BRCA1: variants seen among roughly 807,000 people sequenced by gnomAD.
BRCA1 encodes breast cancer type 1 susceptibility protein.
Under a neutral mutation model 173.7 loss-of-function variants are expected in BRCA1, and 140 were observed. The ratio of observed to expected loss-of-function variants is 0.81; its 90% CI spans 0.70 to 0.93. BRCA1 has a LOEUF of 0.93. BRCA1 is among the 40% of genes least tolerant of loss of function. The pLI is 0.00. For synonymous variants in BRCA1, 662 were observed against 756.0 expected (o/e 0.88, Z 2.04); for missense variants, 1,983 against 2,172.5 (o/e 0.91, Z 1.73).
chr17:43,133,513 AGTGGGAT>A (rs2154581346), intron 1 of BRCA1, among the ~76,000 whole-genome samples: 1 of 152,272 alleles, frequency 6.6e-6, no homozygotes, highest in South Asian at 2.1e-4. Context: ...CTGACATACC[AGTGGGAT>A]GTGAACTGTC....
upstream of BRCA1, among the ~76,000 whole-genome samples, chr17:43,126,400 G>GCTGGCAGCGGA (rs1380499240): frequency 6.6e-6 from 1 of 152,208 alleles, no homozygotes; most frequent in African/African-American, 2.4e-5. Flanking sequence ...TAGCGGCAGA[G>GCTGGCAGCGGA]CTGGCAGCGG....
intron 7 of BRCA1, among the ~76,000 whole-genome samples, chr17:43,099,197 G>A (rs1200048434): frequency 6.6e-6 from 1 of 151,266 alleles, no homozygotes; most frequent in Admixed American, 6.6e-5. Flanking sequence ...AATCCATCAT[G>A]TTTTTTCTTA....
At chr17:43,049,524 GAA>G (rs1472497275) in intron 20 of BRCA1, among the ~76,000 whole-genome samples, 1 of 152,226 alleles carries the variant, frequency 6.6e-6, no homozygotes, top group South Asian at 2.1e-4. Flanking sequence ...GACACTGTGT[GAA>G]AAAACACCCA....
upstream of BRCA1, among the ~76,000 whole-genome samples, chr17:43,127,887 G>T (rs541882078): frequency 1.3e-5 from 2 of 151,910 alleles, no homozygotes; most frequent in Non-Finnish European, 2.9e-5. Context: ...AGCTGGGTGC[G>T]GTGGTGGGTG....
chr17:43,129,251 T>C (rs2055944573), upstream of BRCA1, among the ~76,000 whole-genome samples: 1 of 152,230 alleles, frequency 6.6e-6, no homozygotes, highest in Non-Finnish European at 1.5e-5. Flanking sequence ...TCAAGATTAA[T>C]GCTCTTGCTG....
At chr17:43,108,335 C>CAAA (rs34608699) in intron 3 of BRCA1, among the ~76,000 whole-genome samples, 2 of 121,240 alleles carry the variant, frequency 1.6e-5, no homozygotes, top group Non-Finnish European at 3.5e-5. Flanking sequence ...GAGATTGTGC[C>CAAA]AAAAAAAAAA....
At chr17:43,117,949 A>G (rs1045526599) in intron 2 of BRCA1, among the ~76,000 whole-genome samples, 4 of 152,334 alleles carry the variant, frequency 2.6e-5, no homozygotes, top group Non-Finnish European at 4.4e-5. Flanking sequence ...GCCTGCTCTC[A>G]TAGAGCTCAT....
At chr17:43,149,351 T>C (rs1205145417) in intron 1 of BRCA1, among the ~76,000 whole-genome samples, 1 of 151,728 alleles carries the variant, frequency 6.6e-6, no homozygotes, top group Non-Finnish European at 1.5e-5. Context: ...CCGCCCACCT[T>C]GGCCTCCCAA....
rs565983258 is a variant in BRCA1, at chr17:43,096,751, C to CA, written c.593+492dup. 2.0e-5 allele frequency among the ~76,000 whole-genome samples: 3 copies of CA among 152,220 alleles called. No homozygotes were observed. In the South Asian group the frequency reaches 6.2e-4, roughly 32 times the overall value. ...AGTCCTTGAACATTTTCATCAGTCA[C>CA]AATTACTGCTGTGTCAATATTACTG... On this transcript the variant is annotated intron_variant, in intron 8 of 22. Transcript: ENST00000357654.
At chr17:43,145,562 G>A (rs1426742865) in intron 1 of BRCA1, among the ~76,000 whole-genome samples, 2 of 152,044 alleles carry the variant, frequency 1.3e-5, no homozygotes, top group East Asian at 1.9e-4. Context: ...TCCTGACCTC[G>A]TGATCCGCCC....
At chr17:43,115,338 C>G (rs542293286) in intron 3 of BRCA1, among the ~76,000 whole-genome samples, 13 of 151,898 alleles carry the variant, frequency 8.6e-5, no homozygotes, top group Non-Finnish European at 1.6e-4. Context: ...CTTATCTCTA[C>G]TAAAAGTACA....
chr17:43,125,661 C>T (rs2055849329), upstream of BRCA1: 44 of 235,498 alleles, frequency 1.9e-4, 3 homozygotes, highest in South Asian at 2.2e-3. Context: ...CTTATTGCAT[C>T]ACAGTAATTG....
At chr17:43,139,738 G>A (rs1180719258) in intron 1 of BRCA1, 1 of 395,502 alleles carries the variant, frequency 2.5e-6, no homozygotes, top group African/African-American at 2.1e-5. Flanking sequence ...TCCCTTCTTT[G>A]TGTTTATGAG....
chr17:43,079,993 A>G (rs1250416274), intron 12 of BRCA1, among the ~76,000 whole-genome samples: 1 of 152,158 alleles, frequency 6.6e-6, no homozygotes, highest in Non-Finnish European at 1.5e-5. Context: ...TTAATCCTTA[A>G]TTCATTCTCT....
chr17:43,068,899 A>G (rs1006620010), intron 15 of BRCA1, among the ~76,000 whole-genome samples: 1 of 152,236 alleles, frequency 6.6e-6, no homozygotes, highest in South Asian at 2.1e-4. Context: ...TTATCTATCA[A>G]CCAAATAAAA....
At chr17:43,071,726 G>C (rs974933222) in intron 14 of BRCA1, among the ~76,000 whole-genome samples, 1 of 152,022 alleles carries the variant, frequency 6.6e-6, no homozygotes, top group East Asian at 1.9e-4. Context: ...TTTATGGGCC[G>C]AGCACGGTGG....
At chr17:43,136,979 C>T (rs2056029752) in intron 1 of BRCA1, among the ~76,000 whole-genome samples, 1 of 152,088 alleles carries the variant, frequency 6.6e-6, no homozygotes, top group South Asian at 2.1e-4. Flanking sequence ...GACAAATGCA[C>T]ACGTATGTTC....
chr17:43,045,869 C>G (rs1301247014), intron 22 of BRCA1, 67 bp from the exon 23 acceptor site: 3 of 1,603,982 alleles, frequency 1.9e-6, no homozygotes, highest in African/African-American at 1.3e-5. Context: ...TCTAATCAAT[C>G]GACTCCAGGG....
intron 19 of BRCA1, among the ~76,000 whole-genome samples, chr17:43,051,576 T>G (rs767064138): frequency 7.9e-5 from 12 of 152,086 alleles, no homozygotes; most frequent in Non-Finnish European, 1.6e-4. Context: ...GTACTCACTA[T>G]GACCCCATCA....
Sources: gnomAD v4.1 joint callset for allele counts (sites outside exome capture counted in the v4.1 genomes callset) on GRCh38, gnomAD v4.1.1 for gene constraint, MANE v1.5 for transcripts, NCBI Gene and HGNC (gene_info 2026-07-23, HGNC 2026-07-21) for gene names.